Variants in CFAP74 observed in about 807,000 individuals in gnomAD.
CFAP74 encodes the protein cilia and flagella associated protein 74, also known as cilia- and flagella-associated protein 74.
A neutral mutation model predicts 188.9 loss-of-function variants in CFAP74; 124 were observed. The observed-to-expected ratio is 0.66, with a 90% CI of 0.57 to 0.76. The LOEUF (loss-of-function observed/expected upper bound fraction) is 0.76. Among genes scored for constraint, CFAP74 ranks in the 30% least tolerant of loss-of-function variants. The pLI is 0.00. For missense variants in CFAP74, 2,198 were observed against 2,165.2 expected (o/e 1.02, Z -0.30); for synonymous variants, 956 against 916.7 (o/e 1.04, Z -0.77).
intron 4 of CFAP74, chr1:1,988,233 A>T: frequency 1.6e-6 from 1 of 632,364 alleles, no homozygotes; most frequent in East Asian, 3.2e-5. Context: ...ACAAACACAG[A>T]AAGAAGCTAC....
intron 25 of CFAP74, among the ~76,000 whole-genome samples, chr1:1,933,354 ATT>A (rs1652574227): frequency 6.7e-6 from 1 of 150,336 alleles, no homozygotes; most frequent in South Asian, 2.1e-4. Context: ...TAATTTTTGC[ATT>A]TTTAGTAGAG....
intron 6 of CFAP74, among the ~76,000 whole-genome samples, chr1:1,983,360 C>T (rs536760072): frequency 2.1e-4 from 32 of 152,336 alleles, no homozygotes; most frequent in African/African-American, 7.2e-4. Flanking sequence ...TGTCGCTGCA[C>T]TGAAGAAGCC....
At chr1:1,987,751 A>G (rs969208651) in intron 4 of CFAP74, among the ~76,000 whole-genome samples, 10 of 152,078 alleles carry the variant, frequency 6.6e-5, no homozygotes, top group Non-Finnish European at 4.4e-5. Flanking sequence ...CATATTGGCC[A>G]GGCTGGTCTC....
chr1:1,940,728 G>A (rs922062991), intron 22 of CFAP74, among the ~76,000 whole-genome samples: 5 of 152,200 alleles, frequency 3.3e-5, no homozygotes, highest in African/African-American at 7.2e-5. Flanking sequence ...AGTTTGCATC[G>A]TAAAGGAATC....
intron 6 of CFAP74, among the ~76,000 whole-genome samples, chr1:1,981,239 C>A (rs976391570): frequency 6.6e-6 from 1 of 152,238 alleles, no homozygotes. Flanking sequence ...CTGCACCCAG[C>A]CGTCCAGTGC....
rs1271528670 is a variant in CFAP74 at position 1,944,435 on chromosome 1, C to T, written c.2382G>A (p.Val794=). Residue 794 remains valine (V), a synonymous_variant, in exon 21 of 39, where the codon GTG becomes GTA. Coordinates refer to ENST00000682832, the MANE Select transcript of CFAP74 (RefSeq NM_001304360.2). ...AGACCGGCACATCGATGGCCACGCC[C>T]ACGACCCTGAAATGCAGCTGCATAT... ...PQCPTLHFRV[V]GVAIDVPVWV... is the part of the protein sequence containing the mutation. 2 of 1,536,064 alleles carry T rather than the reference C, an allele frequency of 1.3e-6. No individual in the cohort carries two copies. The highest frequency in any genetic ancestry group is 1.7e-6 in the Non-Finnish European group (2 of 1,146,872).
At position 1,966,575 on chromosome 1, in the gene CFAP74, C is replaced by A. The variant is rs764396172; in HGVS notation, c.1246-49G>T. The stretch of plus-strand genomic sequence containing the variant: ...GCAAAGACACGCTCATGACAGAGAA[C>A]AGGGAAGAGAAACTCGGCCCAGCCC... On this transcript the variant is annotated intron_variant, in intron 11 of 38. Coordinates refer to ENST00000682832, the MANE Select transcript of CFAP74 (RefSeq NM_001304360.2). The A allele has an allele frequency of 6.3e-6, 9 of 1,422,570 alleles. No homozygotes were observed. The South Asian group carries it at 1.3e-4, about 20-fold the overall frequency. 88.1% of individuals were successfully genotyped at this position (1,422,570 alleles called of 1,614,324 possible).
At position 1,987,025 on chromosome 1, in the gene CFAP74, G is replaced by GC; in HGVS notation, c.306dup (p.Arg103AlafsTer58). ...AGGTCCCGCCTCTGCCGACAGGCGC[G>GC]CAGCTCCCCTCTGGAACAGGGAAAC... On this transcript the variant is annotated frameshift_variant, in exon 5 of 39. Transcript: ENST00000682832. LOFTEE classifies it high-confidence loss of function. The GC allele has an allele frequency of 6.3e-7, 1 of 1,597,060 alleles. No homozygotes were observed. The highest frequency in any genetic ancestry group is 8.5e-7 in the Non-Finnish European group (1 of 1,175,856).
chr1:1,939,173 T>C (rs958913431), intron 24 of CFAP74, among the ~76,000 whole-genome samples, 185 bp from the exon 25 acceptor site: 1 of 152,120 alleles, frequency 6.6e-6, no homozygotes, highest in African/African-American at 2.4e-5. Context: ...TGTGTATGAG[T>C]GCATGAGCAA....
At chr1:1,938,264 TAC>T (rs368067845) in intron 25 of CFAP74, among the ~76,000 whole-genome samples, 3 of 144,564 alleles carry the variant, frequency 2.1e-5, no homozygotes, top group African/African-American at 7.8e-5. Context: ...CACTCAACCT[TAC>T]ACACCCACAT....
chr1:1,926,612 G>A, intron 30 of CFAP74, 40 bp downstream of exon 30: 1 of 1,545,862 alleles, frequency 6.5e-7, no homozygotes, highest in South Asian at 1.2e-5. Flanking sequence ...GGTGTGCCTG[G>A]GCACCGGGGT....
chr1:1,987,171 C>CT (rs1657294598), intron 4 of CFAP74, 136 bp from the exon 5 acceptor site: 1 of 637,986 alleles, frequency 1.6e-6, no homozygotes, highest in African/African-American at 1.8e-5. Flanking sequence ...AGGGGTCTCT[C>CT]TAACACCTTC....
Position 1,985,578 on chromosome 1 carries a change from T to A in CFAP74, c.396-88A>T, listed in dbSNP as rs959059998. 2.7e-5 allele frequency: 29 copies of A among 1,055,498 alleles called. 1 individual carries two copies. The highest frequency in any genetic ancestry group is 3.6e-5 in the Non-Finnish European group (25 of 692,468). The allele number at this position is 1,055,498 out of a possible 1,614,324, so 65.4% of individuals were successfully genotyped here. ...GTTCACCTGGCACTCCCTGGCCTCC[T>A]CTCGCTCAGGAGGGAAATCTCGGCA... On this transcript the variant is annotated intron_variant, in intron 5 of 38. Coordinates refer to ENST00000682832, the MANE Select transcript of CFAP74 (RefSeq NM_001304360.2).
At chr1:1,996,923 AAAAAAAAAAAAAG>A (rs1277026427) in intron 1 of CFAP74, among the ~76,000 whole-genome samples, 12 of 148,292 alleles carry the variant, frequency 8.1e-5, no homozygotes, top group Non-Finnish European at 1.7e-4. Flanking sequence ...TCTGTCTCAA[AAAAAAAAAAAAAG>A]AAAAAAAAAA....
chr1:1,982,266 AGG>A (rs1656945114), intron 6 of CFAP74, among the ~76,000 whole-genome samples: 1 of 111,030 alleles, frequency 9.0e-6, no homozygotes, highest in Non-Finnish European at 2.1e-5. Flanking sequence ...GGGGACACGC[AGG>A]ACACCCAGCC....
At chr1:1,943,619 T>C (rs918266482) in intron 21 of CFAP74, among the ~76,000 whole-genome samples, 3 of 152,216 alleles carry the variant, frequency 2.0e-5, no homozygotes, top group Non-Finnish European at 4.4e-5. Context: ...TCTGGAGCCC[T>C]TGCCAAACCC....
chr1:1,966,385 A>G lies in CFAP74; in HGVS notation c.1387T>C (p.Tyr463His). 6.3e-7 allele frequency: 1 copy of G among 1,576,264 alleles called. No individual in the cohort carries two copies. The highest frequency in any genetic ancestry group is 2.3e-5 in the East Asian group (1 of 42,594). The change falls in exon 12 of 39, where the codon TAC becomes CAC. Residue 463 changes from tyrosine (Y) to histidine (H), a missense_variant. Tyr to His is a moderately conservative substitution (Grantham distance 83, BLOSUM62 2). Coordinates refer to ENST00000682832, the MANE Select transcript of CFAP74 (RefSeq NM_001304360.2). ...PEISGLWNED[Y>H]KPYQVPKEDV... ...GGAGCTGATACCTGGTATGGCTTGT[A>G]GTCTTCATTCCAAAGCCCAGAGATC...
intron 6 of CFAP74, among the ~76,000 whole-genome samples, chr1:1,980,920 C>T (rs561059675): frequency 1.3e-5 from 2 of 152,326 alleles, no homozygotes; most frequent in African/African-American, 4.8e-5. Context: ...TCTGTGGCTG[C>T]GGATGACGCG....
At chr1:1,990,483 GGAAATGCGTTCCCA>G in intron 2 of CFAP74, among the ~76,000 whole-genome samples, 1 of 152,080 alleles carries the variant, frequency 6.6e-6, no homozygotes, top group East Asian at 1.9e-4. Context: ...GGGGTGGGAA[GGAAATGCGTTCCCA>G]GATTGCGATG....
Sources: allele counts gnomAD v4.1 joint callset (sites outside exome capture counted in the v4.1 genomes callset), GRCh38; gene constraint gnomAD v4.1.1; transcripts MANE v1.5; gene names NCBI Gene and HGNC (gene_info 2026-07-23, HGNC 2026-07-21).